PKP2: variants seen among roughly 807,000 people sequenced by gnomAD.
The protein encoded by PKP2 is plakophilin-2.
PKP2 carries 73 observed loss-of-function variants against 83.4 expected under a neutral mutation model. That is an observed-to-expected ratio of 0.88 (90% CI 0.72 to 1.06). The LOEUF (loss-of-function observed/expected upper bound fraction) is 1.06. PKP2 is among the 50% of genes least tolerant of loss of function. The pLI is 0.00. For missense variants in PKP2, 966 were observed against 1,065.4 expected (o/e 0.91, Z 1.30); for synonymous variants, 409 against 430.4 (o/e 0.95, Z 0.62).
intron 11 of PKP2, among the ~76,000 whole-genome samples, chr12:32,793,523 C>A (rs180765341): frequency 6.6e-6 from 1 of 150,778 alleles, no homozygotes; most frequent in African/African-American, 2.4e-5. Context: ...AATCTCTTTA[C>A]GTTTCCATAT....
rs1450746298 is a variant in PKP2 at position 32,878,522 on chromosome 12, C to A, written c.358G>T (p.Glu120Ter). 5 of 1,612,068 alleles carry A rather than the reference C, an allele frequency of 3.1e-6. No individual in the cohort carries two copies. Among genetic ancestry groups the A allele is most frequent in the Non-Finnish European group, 4.2e-6 (5 of 1,179,156 alleles). ...GCTGTTCCTCTTCCCCAGCGACCTTCATAAGTGGCAGTTGTGCCAGCCTGC... is the reference window on the plus strand; with the variant it reads ...GCTGTTCCTCTTCCCCAGCGACCTTAATAAGTGGCAGTTGTGCCAGCCTGC... ...MLKAGTTATYEGRWGRGTAQY... is the reference protein window; with the variant it reads ...MLKAGTTATY The change falls in exon 3 of 13, where the codon GAA (glutamate) becomes TAA (stop). Residue 120 changes from glutamate (E) to a stop codon, truncating the protein, a stop_gained. Coordinates refer to ENST00000340811, the MANE Select transcript of PKP2 (RefSeq NM_001005242.3). LOFTEE classifies it high-confidence loss of function.
At chr12:32,792,792 G>T in intron 11 of PKP2, 61 bp from the exon 12 acceptor site, 1 of 1,306,940 alleles carries the variant, frequency 7.7e-7, no homozygotes, top group Non-Finnish European at 1.1e-6. Flanking sequence ...GATGCGGCCT[G>T]TGGGTGTTCT....
chr12:32,800,689 G>T (rs1441163031), intron 10 of PKP2, among the ~76,000 whole-genome samples: 1 of 152,168 alleles, frequency 6.6e-6, no homozygotes, highest in Non-Finnish European at 1.5e-5. Context: ...GCAGTACTGC[G>T]CATGTGGTAA....
intron 6 of PKP2, among the ~76,000 whole-genome samples, chr12:32,835,327 A>C (rs1956535302): frequency 6.6e-6 from 1 of 152,164 alleles, no homozygotes. Context: ...TGCTGGGATT[A>C]CAGGCATGAG....
Position 32,877,930 on chromosome 12 carries a change from G to T in PKP2, c.950C>A (p.Ala317Glu), listed in dbSNP as rs775318947. 2 of 1,614,148 alleles carry T rather than the reference G, an allele frequency of 1.2e-6. No homozygotes were observed. The highest frequency in any genetic ancestry group is 4.5e-5 in the East Asian group (2 of 44,882). ...SVAVDSSGRR[A>E]HLTVGQAAAG... ...GGCCGCCTGGCCGACAGTCAAGTGC[G>T]CTCTCCTCCCGCTGGAATCCACGGC... The change falls in exon 3 of 13, where the codon GCG (alanine) becomes GAG (glutamate). Residue 317 changes from alanine (A) to glutamate (E), a missense_variant. Ala to Glu is a moderately radical substitution (Grantham distance 107, BLOSUM62 -1). Coordinates refer to ENST00000340811, the MANE Select transcript of PKP2 (RefSeq NM_001005242.3).
chr12:32,855,090 A>G (rs1454257305), intron 4 of PKP2, among the ~76,000 whole-genome samples: 1 of 152,256 alleles, frequency 6.6e-6, no homozygotes, highest in Non-Finnish European at 1.5e-5. Flanking sequence ...GCAAGTGGCA[A>G]TATGTGTCAA....
At chr12:32,817,177 TG>T (rs1265049292) in intron 9 of PKP2, among the ~76,000 whole-genome samples, 1 of 152,176 alleles carries the variant, frequency 6.6e-6, no homozygotes, top group Non-Finnish European at 1.5e-5. Context: ...AAATAAGCAA[TG>T]GGGAAAGGAC....
At chr12:32,858,559 C>T (rs954579544) in intron 4 of PKP2, among the ~76,000 whole-genome samples, 1 of 151,932 alleles carries the variant, frequency 6.6e-6, no homozygotes, top group Non-Finnish European at 1.5e-5. Context: ...AGGGATAGGT[C>T]TTTTAAAGCA....
chr12:32,796,563 T>A (rs909765185), intron 10 of PKP2, among the ~76,000 whole-genome samples: 22 of 151,850 alleles, frequency 1.4e-4, no homozygotes, highest in African/African-American at 5.1e-4. Flanking sequence ...TTTTATTTTT[T>A]TATTTTTTTT....
In PKP2 at chr12:32,821,342, G is replaced by A. The variant is rs1404482216; in HGVS notation, c.2013+14C>T. On this transcript the variant is annotated intron_variant, in intron 9 of 12. Coordinates refer to ENST00000340811, the MANE Select transcript of PKP2 (RefSeq NM_001005242.3). ...CATTATTTTAAAAAGTAGGAAATCA[G>A]GCCCAATACTCACTGGTCCACTTCC... 1.2e-6 allele frequency: 2 copies of A among 1,610,838 alleles called. No homozygotes were observed. Among genetic ancestry groups the A allele is most frequent in the Non-Finnish European group, 8.5e-7 (1 of 1,177,122 alleles).
At chr12:32,888,520 A>C (rs1957050291) in intron 1 of PKP2, among the ~76,000 whole-genome samples, 5 of 145,766 alleles carry the variant, frequency 3.4e-5, no homozygotes, top group East Asian at 2.0e-4. Context: ...ACAGATTTTC[A>C]CTCTTGTTGC....
chr12:32,792,856 A>T, intron 11 of PKP2, 125 bp from the exon 12 acceptor site: 2 of 762,126 alleles, frequency 2.6e-6, no homozygotes, highest in Non-Finnish European at 4.7e-6. Context: ...CCATGAAGTC[A>T]GGCCACTCGG....
chr12:32,831,417 A>C (rs754711329), intron 6 of PKP2, among the ~76,000 whole-genome samples: 17 of 152,240 alleles, frequency 1.1e-4, no homozygotes, highest in Non-Finnish European at 5.9e-5. Flanking sequence ...AATACAGTTC[A>C]TAAAACACCA....
At chr12:32,877,237 A>G (rs1592762743) in intron 3 of PKP2, among the ~76,000 whole-genome samples, 1 of 152,356 alleles carries the variant, frequency 6.6e-6, no homozygotes, top group East Asian at 1.9e-4. Context: ...AGTTCCAAAC[A>G]CTAAATTAGT....
chr12:32,857,425 C>CAA (rs148807063), intron 4 of PKP2, among the ~76,000 whole-genome samples: 3 of 147,140 alleles, frequency 2.0e-5, no homozygotes, highest in Non-Finnish European at 4.5e-5. Flanking sequence ...GAACATGTCT[C>CAA]AAAAAAAAAG....
chr12:32,851,819 T>C (rs954917027), intron 4 of PKP2, among the ~76,000 whole-genome samples: 7 of 152,208 alleles, frequency 4.6e-5, no homozygotes, highest in African/African-American at 1.2e-4. Flanking sequence ...AAAAGACTTA[T>C]AAAACTTATG....
At chr12:32,844,477 C>T (rs1185093290) in intron 5 of PKP2, among the ~76,000 whole-genome samples, 1 of 152,104 alleles carries the variant, frequency 6.6e-6, no homozygotes, top group Non-Finnish European at 1.5e-5. Flanking sequence ...ACACAGGAAT[C>T]CATGTTCTCT....
At chr12:32,876,617 T>A (rs1217961368) in intron 3 of PKP2, among the ~76,000 whole-genome samples, 4 of 152,050 alleles carry the variant, frequency 2.6e-5, no homozygotes, top group Non-Finnish European at 4.4e-5. Context: ...GCAACCTCCA[T>A]CTCCTGGGCT....
chr12:32,809,609 C>T (rs144493512), intron 9 of PKP2, among the ~76,000 whole-genome samples: 191 of 152,314 alleles, frequency 1.3e-3, no homozygotes, highest in Non-Finnish European at 2.5e-3. Flanking sequence ...TGTCACCTTG[C>T]TGGAAATTCC....
Sources: allele counts gnomAD v4.1 joint callset (sites outside exome capture counted in the v4.1 genomes callset), GRCh38; gene constraint gnomAD v4.1.1; transcripts MANE v1.5; gene names NCBI Gene and HGNC (gene_info 2026-07-23, HGNC 2026-07-21).